The following MCPH1 variants were observed in gnomAD, a reference collection of about 807,000 sequenced individuals.
MCPH1 encodes the protein microcephalin.
Under a neutral mutation model 84.5 loss-of-function variants are expected in MCPH1, and 104 were observed. That is an observed-to-expected ratio of 1.23 (90% CI 1.05 to 1.45). The LOEUF is 1.45. Ranked by LOEUF, MCPH1 falls within the 40% of genes most tolerant of loss-of-function variation. The pLI is 0.00. For missense variants in MCPH1, 1,498 were observed against 1,005.7 expected (o/e 1.49, Z -6.62); for synonymous variants, 514 against 366.8 (o/e 1.40, Z -4.58).
intron 12 of MCPH1, among the ~76,000 whole-genome samples, chr8:6,548,830 C>T (rs1167832896): frequency 6.6e-6 from 1 of 152,120 alleles, no homozygotes; most frequent in Non-Finnish European, 1.5e-5. Context: ...GCAGATAGGC[C>T]CTTGGGTCCT....
At chr8:6,445,590 A>G (rs759078212) in intron 8 of MCPH1, 43 bp downstream of exon 8, 28 of 1,536,524 alleles carry the variant, frequency 1.8e-5, no homozygotes, top group East Asian at 4.5e-5. Flanking sequence ...CTAAATAAAC[A>G]TGTAACAGTG....
At position 6,422,392 on chromosome 8, in the gene MCPH1, G is replaced by C. The variant is rs557239036; in HGVS notation, c.233+7509G>C. Reference sequence around the variant, plus strand: ...ATAGAAATGTGGAGGGGAGAGTGCAGAAACAGAGACCTTTACTAGAAGCTT... The same window carrying C: ...ATAGAAATGTGGAGGGGAGAGTGCACAAACAGAGACCTTTACTAGAAGCTT... On this transcript the variant is annotated intron_variant, in intron 3 of 13. Coordinates refer to ENST00000344683, the MANE Select transcript of MCPH1 (RefSeq NM_024596.5). Among the ~76,000 whole-genome samples the C allele has an allele frequency of 4.2e-4, 64 of 152,320 alleles. 1 individual carries two copies. In the South Asian group the frequency reaches 0.013, roughly 31 times the overall value.
At chr8:6,565,764 T>TA (rs1423747890) in intron 12 of MCPH1, among the ~76,000 whole-genome samples, 1 of 152,162 alleles carries the variant, frequency 6.6e-6, no homozygotes, top group African/African-American at 2.4e-5. Flanking sequence ...GAGAGACCCA[T>TA]AAACAAATTG....
intron 12 of MCPH1, among the ~76,000 whole-genome samples, chr8:6,617,941 A>ATCTATCTATCTATCTT: frequency 6.6e-6 from 1 of 150,712 alleles, no homozygotes; most frequent in Non-Finnish European, 1.5e-5. Context: ...CTATCTATCT[A>ATCTATCTATCTATCTT]TCTTTCTATC....
chr8:6,630,797 A>C (rs902852211), intron 13 of MCPH1, among the ~76,000 whole-genome samples: 15 of 95,292 alleles, frequency 1.6e-4, no homozygotes, highest in Admixed American at 5.6e-4. Flanking sequence ...AAAAAAACAA[A>C]AAAAAAAAAC....
chr8:6,552,815 CT>C (rs57835088), intron 12 of MCPH1, among the ~76,000 whole-genome samples: 339 of 145,468 alleles, frequency 2.3e-3, no homozygotes, highest in Middle Eastern at 0.014. Flanking sequence ...GTTATTCCTG[CT>C]TTTTTTTTTT....
chr8:6,419,117 TTA>T (rs1325210836), intron 3 of MCPH1, among the ~76,000 whole-genome samples: 3 of 144,042 alleles, frequency 2.1e-5, no homozygotes, highest in East Asian at 2.1e-4. Flanking sequence ...CCTTTTATAT[TTA>T]TATACACATA....
chr8:6,437,451 A>C (rs1225891791), intron 5 of MCPH1, among the ~76,000 whole-genome samples: 3 of 152,026 alleles, frequency 2.0e-5, no homozygotes, highest in African/African-American at 7.2e-5. Flanking sequence ...GGATGATCTC[A>C]AACTCTTGAC....
chr8:6,574,675 T>G (rs1442248951), intron 12 of MCPH1, among the ~76,000 whole-genome samples: 3 of 152,210 alleles, frequency 2.0e-5, no homozygotes, highest in East Asian at 3.8e-4. Flanking sequence ...AGAGTCATGT[T>G]TAACAAGATT....
intron 7 of MCPH1, among the ~76,000 whole-genome samples, chr8:6,442,536 G>A (rs995173023): frequency 3.9e-5 from 6 of 152,214 alleles, no homozygotes; most frequent in African/African-American, 1.4e-4. Flanking sequence ...AACGGGGTCA[G>A]TGAAGTATGT....
At chr8:6,468,332 A>G (rs1807253405) in intron 9 of MCPH1, among the ~76,000 whole-genome samples, 1 of 151,994 alleles carries the variant, frequency 6.6e-6, no homozygotes, top group South Asian at 2.1e-4. Flanking sequence ...CTGTCCTCCC[A>G]CCTGCCCTGT....
chr8:6,487,232 G>A (rs1810045194), intron 11 of MCPH1, among the ~76,000 whole-genome samples: 1 of 152,186 alleles, frequency 6.6e-6, no homozygotes, highest in South Asian at 2.1e-4. Flanking sequence ...ATAATCTAGT[G>A]TTTTCTTAAT....
At position 6,414,818 on chromosome 8, in the gene MCPH1, C is replaced by T. The variant is rs765627692; in HGVS notation, c.168C>T (p.Tyr56=). The part of the protein sequence containing the change: ...QVTHVIFKDG[Y]QSTWDKAQKR... ...CTCACGTTATCTTCAAAGATGGCTA[C>T]CAGAGCACTTGGGACAAAGCTCAGA... Residue 56 remains tyrosine, a synonymous_variant, in exon 3 of 14, where the codon TAC becomes TAT. Transcript: ENST00000344683. 6.2e-7 allele frequency: 1 copy of T among 1,613,744 alleles called. No individual in the cohort carries two copies. Among genetic ancestry groups the T allele is most frequent in the Non-Finnish European group, 8.5e-7 (1 of 1,179,876 alleles).
chr8:6,457,595 A>C (rs543928568), intron 9 of MCPH1, among the ~76,000 whole-genome samples: 1 of 151,872 alleles, frequency 6.6e-6, no homozygotes, highest in Non-Finnish European at 1.5e-5. Context: ...ACAGAGTGAG[A>C]CTCTGTCTCA....
At chr8:6,602,266 C>T (rs1829432413) in intron 12 of MCPH1, among the ~76,000 whole-genome samples, 2 of 152,208 alleles carry the variant, frequency 1.3e-5, no homozygotes, top group Non-Finnish European at 2.9e-5. Flanking sequence ...CAGGGCGGTG[C>T]ACACTTTGTC....
Position 6,523,800 on chromosome 8 carries a change from G to A in MCPH1, c.2214+23871G>A, listed in dbSNP as rs546354826. Among the ~76,000 whole-genome samples the A allele has an allele frequency of 1.8e-4, 27 of 152,034 alleles. No homozygotes were observed. In the South Asian group the frequency reaches 5.6e-3, roughly 32 times the overall value. ...GACGTGGTTTCATTATGTTGTCCAG[G>A]CTGGTCTCGAACTCCTGACTTCCTG... On this transcript the variant is annotated intron_variant, in intron 12 of 13. Coordinates refer to ENST00000344683, the MANE Select transcript of MCPH1 (RefSeq NM_024596.5).
chr8:6,642,959 T>A (rs1267128544), intron 13 of MCPH1, 35 bp from the exon 14 acceptor site: 1 of 1,603,744 alleles, frequency 6.2e-7, no homozygotes, highest in East Asian at 2.2e-5. Flanking sequence ...GGCTGGCTAT[T>A]ATGAATGCTA....
At chr8:6,539,809 A>G (rs1586487942) in intron 12 of MCPH1, among the ~76,000 whole-genome samples, 1 of 151,928 alleles carries the variant, frequency 6.6e-6, no homozygotes, top group African/African-American at 2.4e-5. Context: ...CTGGTCTGAA[A>G]CTCCTGACAT....
At chr8:6,469,396 T>C (rs1243567925) in intron 9 of MCPH1, among the ~76,000 whole-genome samples, 1 of 152,240 alleles carries the variant, frequency 6.6e-6, no homozygotes, top group Non-Finnish European at 1.5e-5. Context: ...TTACACGATG[T>C]AGCTGCCAGG....
Sources: allele counts gnomAD v4.1 joint callset (sites outside exome capture counted in the v4.1 genomes callset), GRCh38; gene constraint gnomAD v4.1.1; transcripts MANE v1.5; gene names NCBI Gene and HGNC (gene_info 2026-07-23, HGNC 2026-07-21).